MOV10L1: variants seen among roughly 807,000 people sequenced by gnomAD.
MOV10L1 encodes the protein Mov10 like RNA helicase 1, also known as RNA helicase Mov10l1.
In MOV10L1, 110 loss-of-function variants were observed where a neutral mutation model predicts 143.8. The observed-to-expected ratio is 0.76, with a 90% CI of 0.66 to 0.90. The LOEUF (loss-of-function observed/expected upper bound fraction) is 0.90, where lower values mean the gene tolerates loss of function less well. MOV10L1 is among the 40% of genes least tolerant of loss of function. The pLI is 0.00. For missense variants in MOV10L1, 1,406 were observed against 1,526.8 expected (o/e 0.92, Z 1.32); for synonymous variants, 593 against 581.1 (o/e 1.02, Z -0.29).
chr22:50,132,731 G>C (rs138254), intron 13 of MOV10L1, among the ~76,000 whole-genome samples: 81,846 of 151,992 alleles, frequency 0.54, 22,489 homozygotes, highest in Admixed American at 0.65. Flanking sequence ...TATAATCATT[G>C]ATTCAAAGAA....
At chr22:50,138,311 G>A (rs375086548) in intron 15 of MOV10L1, among the ~76,000 whole-genome samples, 59 of 152,202 alleles carry the variant, frequency 3.9e-4, no homozygotes, top group African/African-American at 1.2e-3. Flanking sequence ...GACTCGTGCC[G>A]GTAATTCCAG....
chr22:50,160,541 C>T (rs537665064), intron 24 of MOV10L1, 147 bp from the exon 25 acceptor site: 24 of 1,023,198 alleles, frequency 2.3e-5, no homozygotes, highest in Admixed American at 8.8e-5. Flanking sequence ...CGTGAGCCAC[C>T]GCGCCCGGCC....
At chr22:50,141,372 C>A (rs1053728060) in intron 15 of MOV10L1, among the ~76,000 whole-genome samples, 3 of 151,868 alleles carry the variant, frequency 2.0e-5, no homozygotes, top group Admixed American at 1.3e-4. Context: ...TCTCTGTCAC[C>A]CAGGTTGGAG....
Position 50,153,041 on chromosome 22 carries a change from G to C in MOV10L1, c.2893-4G>C. On this transcript the variant is annotated splice_polypyrimidine_tract_variant and splice_region_variant and intron_variant, in intron 21 of 26. Coordinates refer to ENST00000262794, the MANE Select transcript of MOV10L1 (RefSeq NM_018995.3). The stretch of plus-strand genomic sequence containing the variant: ...CCTTGTGACCCATCACCATCTCCTC[G>C]CAGGTCACAAAGCTGGTGAAGAACT... The C allele has an allele frequency of 6.3e-7, 1 of 1,597,110 alleles. No individual in the cohort carries two copies. The highest frequency in any genetic ancestry group is 8.6e-7 in the Non-Finnish European group (1 of 1,168,092).
intron 15 of MOV10L1, 68 bp from the exon 16 acceptor site, chr22:50,142,013 C>A (rs2063002193): frequency 2.3e-6 from 3 of 1,315,816 alleles, no homozygotes; most frequent in Non-Finnish European, 1.1e-6. Context: ...TTTACGTTTG[C>A]TCTTTCAACC....
At position 50,149,841 on chromosome 22, in the gene MOV10L1, G is replaced by A. The variant is rs535082590; in HGVS notation, c.2727+127G>A. The A allele has an allele frequency of 1.8e-4, 136 of 739,072 alleles. 1 individual carries two copies. In the African/African-American group the frequency reaches 2.0e-3, roughly 11 times the overall value. The allele number at this position is 739,072 out of a possible 1,614,324, so 45.8% of individuals were successfully genotyped here. ...CAGGTGGAAGTGCCAAGGACCCCGA[G>A]GTGTTGGGGGCCATGGGTCTCTATT... On this transcript the variant is annotated intron_variant, in intron 20 of 26. Coordinates refer to ENST00000262794, the MANE Select transcript of MOV10L1 (RefSeq NM_018995.3).
intron 14 of MOV10L1, 138 bp downstream of exon 14, chr22:50,134,203 C>A: frequency 1.5e-6 from 1 of 663,070 alleles, no homozygotes; most frequent in Non-Finnish European, 2.4e-6. Flanking sequence ...TTTTAATTTT[C>A]TATCAAGTTT....
intron 5 of MOV10L1, 29 bp from the exon 6 acceptor site, chr22:50,113,619 G>A: frequency 6.2e-7 from 1 of 1,609,550 alleles, no homozygotes; most frequent in Non-Finnish European, 8.5e-7. Context: ...CTGCTGCAGA[G>A]GGATGTCTTT....
intron 15 of MOV10L1, among the ~76,000 whole-genome samples, chr22:50,141,072 G>A (rs189041371): frequency 6.6e-6 from 1 of 150,664 alleles, no homozygotes; most frequent in East Asian, 1.9e-4. Flanking sequence ...TTTGTTTTGA[G>A]ACAGAGTCTC....
chr22:50,115,005 C>A, intron 7 of MOV10L1, 109 bp from the exon 8 acceptor site: 2 of 1,227,562 alleles, frequency 1.6e-6, no homozygotes, highest in Non-Finnish European at 2.3e-6. Flanking sequence ...TTTTTGTGTG[C>A]ATCTGTCTTT....
rs1246657906 is a variant in MOV10L1 at position 50,091,855 on chromosome 22, C to T, written c.98-146C>T. 1.4e-5 allele frequency: 10 copies of T among 699,814 alleles called. No individual in the cohort carries two copies. In the South Asian group the frequency reaches 1.5e-4, roughly 11 times the overall value. 43.4% of individuals were successfully genotyped at this position (699,814 alleles called of 1,614,324 possible). A position where few individuals can be genotyped will look rare whatever the true frequency, so the allele number is the denominator to read the frequency against. The stretch of plus-strand genomic sequence containing the variant: ...ACACAGCACTCTCTGATGGGATTCT[C>T]TCTGTCTCAAGTCAGCCCGTTCGGA... On this transcript the variant is annotated intron_variant, in intron 1 of 26. Transcript: ENST00000262794.
chr22:50,110,342 G>A (rs1001645216), intron 5 of MOV10L1, among the ~76,000 whole-genome samples: 14 of 151,478 alleles, frequency 9.2e-5, no homozygotes, highest in Admixed American at 5.3e-4. Flanking sequence ...CCAGCTACTC[G>A]GGAGGCTGAG....
intron 8 of MOV10L1, among the ~76,000 whole-genome samples, chr22:50,115,699 C>T (rs193123929): frequency 6.6e-6 from 1 of 152,336 alleles, no homozygotes; most frequent in Non-Finnish European, 1.5e-5. Flanking sequence ...ACCAGATGGC[C>T]TCTCACCCTC....
chr22:50,113,915 T>A, intron 6 of MOV10L1, 127 bp downstream of exon 6: 18 of 527,220 alleles, frequency 3.4e-5, no homozygotes, highest in South Asian at 5.7e-5. Context: ...ATCTTTTCTT[T>A]TTTTTTTTTT....
In MOV10L1 at chr22:50,117,341, G is replaced by C; in HGVS notation, c.1444G>C (p.Ala482Pro). The change falls in exon 9 of 27, where the codon GCA becomes CCA. Residue 482 changes from alanine to proline, a missense_variant. This residue lies in a region of MOV10L1 where 1,233 missense variants were observed against 1,351.4 expected (regional missense o/e 0.91). Transcript: ENST00000262794. ...TSAKTTVVVTAQKRNSRRQLP... is the reference protein window; with the variant it reads ...TSAKTTVVVTPQKRNSRRQLP... The stretch of plus-strand genomic sequence containing the variant: ...CGCAAAAACTACAGTTGTTGTGACC[G>C]CACAGAAAAGGTACCATAACTGAAA... 6.2e-7 allele frequency: 1 copy of C among 1,613,000 alleles called. No homozygotes were observed. The highest frequency in any genetic ancestry group is 2.2e-5 in the East Asian group (1 of 44,876).
At chr22:50,097,453 G>A (rs559881817) in intron 2 of MOV10L1, among the ~76,000 whole-genome samples, 12 of 152,274 alleles carry the variant, frequency 7.9e-5, no homozygotes, top group African/African-American at 2.6e-4. Context: ...GGTGTAAAAC[G>A]AGAGTCTAAC....
chr22:50,090,030 C>A lies in MOV10L1; in HGVS notation c.-59C>A. On this transcript the variant is annotated 5_prime_UTR_variant, in exon 1 of 27. Coordinates refer to ENST00000262794, the MANE Select transcript of MOV10L1 (RefSeq NM_018995.3). ...CATTGGTGGCGGGCGGCGGGAGCGG[C>A]GCGGGCGCGTGCGGGCGGCGGCAGC... 8.6e-7 allele frequency: 1 copy of A among 1,161,470 alleles called. No homozygotes were observed. Among genetic ancestry groups the A allele is most frequent in the Non-Finnish European group, 1.1e-6 (1 of 940,164 alleles). The allele number at this position is 1,161,470 out of a possible 1,614,324, so 71.9% of individuals were successfully genotyped here. A position where few individuals can be genotyped will look rare whatever the true frequency, so the allele number is the denominator to read the frequency against.
At chr22:50,148,555 G>A (rs560119217) in intron 19 of MOV10L1, among the ~76,000 whole-genome samples, 3 of 152,274 alleles carry the variant, frequency 2.0e-5, no homozygotes, top group East Asian at 1.9e-4. Flanking sequence ...AGGAAGAGCC[G>A]GACAGGTACC....
rs2063477951 is a variant in MOV10L1 at position 50,158,297 on chromosome 22, C to T, written c.3216+91C>T. 1 of 1,504,876 alleles carries T rather than the reference C, an allele frequency of 6.6e-7. No individual in the cohort carries two copies. Among genetic ancestry groups the T allele is most frequent in the African/African-American group, 1.4e-5 (1 of 72,060 alleles). The allele number at this position is 1,504,876 out of a possible 1,614,324, so 93.2% of individuals were successfully genotyped here. Reference sequence around the variant, plus strand: ...GCTCCACAGAGGCAGGAACAAGCTCCTTGTGAGCAGCAGCAGGTTTTTAAA... The same window carrying T: ...GCTCCACAGAGGCAGGAACAAGCTCTTTGTGAGCAGCAGCAGGTTTTTAAA... On this transcript the variant is annotated intron_variant, in intron 23 of 26. Coordinates refer to ENST00000262794, the MANE Select transcript of MOV10L1 (RefSeq NM_018995.3). This position sits in a 1 kb window ranked among gnomAD's most constrained non-coding sequence, Gnocchi z 5.0.
Sources: gnomAD v4.1 joint callset for allele counts (sites outside exome capture counted in the v4.1 genomes callset) on GRCh38, gnomAD v4.1.1 for gene constraint, gnomAD v4.1.1 regional missense constraint, Gnocchi (gnomAD v3.1) non-coding constraint, MANE v1.5 for transcripts, NCBI Gene and HGNC (gene_info 2026-07-23, HGNC 2026-07-21) for gene names.